AGPS: variants seen among roughly 807,000 people sequenced by gnomAD.
AGPS encodes the protein alkyldihydroxyacetonephosphate synthase, peroxisomal.
A neutral mutation model predicts 90.7 loss-of-function variants in AGPS; 26 were observed. The observed-to-expected ratio is 0.29, with a 90% CI of 0.21 to 0.40. AGPS has a LOEUF of 0.40. Among genes scored for constraint, AGPS ranks in the 10% least tolerant of loss-of-function variants. The pLI is 1.00. For synonymous variants in AGPS, 294 were observed against 285.3 expected (o/e 1.03, Z -0.31); for missense variants, 540 against 816.1 (o/e 0.66, Z 4.12).
intron 12 of AGPS, among the ~76,000 whole-genome samples, chr2:177,496,652 T>A (rs1038427251): frequency 6.6e-6 from 1 of 152,124 alleles, no homozygotes; most frequent in Non-Finnish European, 1.5e-5. Flanking sequence ...TGGTTAAGAC[T>A]TCTATTACTT....
intron 1 of AGPS, among the ~76,000 whole-genome samples, chr2:177,396,141 G>C (rs1428573875): frequency 1.3e-5 from 2 of 152,154 alleles, no homozygotes; most frequent in African/African-American, 4.8e-5. Context: ...AATGTGGATG[G>C]TATTTTGAGA....
chr2:177,489,444 C>T (rs2364852), intron 11 of AGPS, among the ~76,000 whole-genome samples: 131,177 of 152,072 alleles, frequency 0.86, 56,783 homozygotes, highest in East Asian at 0.95. Context: ...TAAGTTAGTG[C>T]AGAGAGTACT....
intron 10 of AGPS, among the ~76,000 whole-genome samples, chr2:177,474,239 A>G: frequency 6.6e-6 from 1 of 152,216 alleles, no homozygotes; most frequent in East Asian, 1.9e-4. Flanking sequence ...CAAAGGCAAC[A>G]CTATTGCTAC....
At position 177,460,165 on chromosome 2, in the gene AGPS, C is replaced by T. The variant is rs559564666; in HGVS notation, c.871-1728C>T. ...GAACATCACACAGTGGGGCCTGGGGCGCGGTGGGAGGCTAGGGGAGGGATA... is the reference window on the plus strand; with the variant it reads ...GAACATCACACAGTGGGGCCTGGGGTGCGGTGGGAGGCTAGGGGAGGGATA... On this transcript the variant is annotated intron_variant, in intron 8 of 19. Coordinates refer to ENST00000264167, the MANE Select transcript of AGPS (RefSeq NM_003659.4). Among the ~76,000 whole-genome samples, 347 of 152,086 alleles carry T rather than the reference C, an allele frequency of 2.3e-3. 2 individuals are homozygous for T. Among genetic ancestry groups the T allele is most frequent in the African/African-American group, 7.6e-3 (316 of 41,488 alleles).
At chr2:177,461,699 A>G (rs923229282) in intron 8 of AGPS, among the ~76,000 whole-genome samples, 194 bp from the exon 9 acceptor site, 1 of 151,862 alleles carries the variant, frequency 6.6e-6, no homozygotes, top group Non-Finnish European at 1.5e-5. Flanking sequence ...AACATTTTCC[A>G]CTAGGCAAAA....
chr2:177,443,610 C>T (rs1026330467), intron 7 of AGPS, among the ~76,000 whole-genome samples: 1 of 152,160 alleles, frequency 6.6e-6, no homozygotes, highest in Non-Finnish European at 1.5e-5. Flanking sequence ...TGTCACATAA[C>T]ATCAATAGAG....
At chr2:177,484,312 G>T (rs1268309439) in intron 11 of AGPS, among the ~76,000 whole-genome samples, 1 of 151,868 alleles carries the variant, frequency 6.6e-6, no homozygotes, top group African/African-American at 2.4e-5. Flanking sequence ...TGTCTTTGAT[G>T]AGCTTCACTA....
At chr2:177,435,773 C>T (rs956728821) in intron 3 of AGPS, among the ~76,000 whole-genome samples, 2 of 152,148 alleles carry the variant, frequency 1.3e-5, no homozygotes, top group African/African-American at 2.4e-5. Flanking sequence ...CTCAATCCCC[C>T]GTAGCAGATT....
At chr2:177,500,554 AT>A (rs200479997) in intron 14 of AGPS, among the ~76,000 whole-genome samples, 2,545 of 151,540 alleles carry the variant, frequency 0.017, 46 homozygotes, top group South Asian at 0.056. Flanking sequence ...ACTTTTATGT[AT>A]TTTTTTTCAT....
At chr2:177,397,971 G>T (rs1168229515) in intron 1 of AGPS, among the ~76,000 whole-genome samples, 1 of 152,200 alleles carries the variant, frequency 6.6e-6, no homozygotes, top group Non-Finnish European at 1.5e-5. Flanking sequence ...GGCAGAGGTT[G>T]CAGTGAGCTG....
At chr2:177,476,294 T>C (rs1204119638) in intron 10 of AGPS, among the ~76,000 whole-genome samples, 1 of 152,062 alleles carries the variant, frequency 6.6e-6, no homozygotes, top group Non-Finnish European at 1.5e-5. Flanking sequence ...AAAAAATATG[T>C]ACAGATATTT....
rs2079233731 is a variant in AGPS, at chr2:177,541,379, G to A, written c.*3184G>A. 6.6e-6 allele frequency: 1 copy of A among 152,126 alleles called. No homozygotes were observed. The highest frequency in any genetic ancestry group is 1.9e-4 in the East Asian group (1 of 5,192). 9.4% of individuals were successfully genotyped at this position (152,126 alleles called of 1,614,324 possible). On this transcript the variant is annotated 3_prime_UTR_variant, in exon 20 of 20. Transcript: ENST00000264167. The stretch of plus-strand genomic sequence containing the variant: ...AACTGTAGCTTATCAGAGAAGCTCT[G>A]TAGTCCTACACTGAAGTGTGTTCCC...
chr2:177,424,451 GATT>G (rs985585230), intron 2 of AGPS, among the ~76,000 whole-genome samples: 3 of 45,382 alleles, frequency 6.6e-5, no homozygotes, highest in African/African-American at 1.6e-4. Flanking sequence ...ATAATAGAAT[GATT>G]TTTTTTTTTG....
chr2:177,530,018 G>A (rs1288379507), intron 19 of AGPS, among the ~76,000 whole-genome samples: 1 of 152,108 alleles, frequency 6.6e-6, no homozygotes, highest in Admixed American at 6.5e-5. Flanking sequence ...AGTTTTGTTT[G>A]TTTGTTTGTT....
intron 17 of AGPS, among the ~76,000 whole-genome samples, chr2:177,520,839 ATATT>A (rs148855378): frequency 0.021 from 3,256 of 152,328 alleles, 72 homozygotes; most frequent in South Asian, 0.055. Flanking sequence ...GACTATATAT[ATATT>A]GTTTTCACAC....
At chr2:177,523,658 C>T in intron 18 of AGPS, 90 bp from the exon 19 acceptor site, 1 of 1,067,204 alleles carries the variant, frequency 9.4e-7, no homozygotes, top group Non-Finnish European at 1.5e-6. Context: ...ACCCAGGAAA[C>T]ATGTGCCTTC....
rs544101452 is a variant in AGPS at position 177,420,363 on chromosome 2, C to A, written c.350+5C>A. The A allele has an allele frequency of 1.3e-6, 2 of 1,591,974 alleles. No individual in the cohort carries two copies. The highest frequency in any genetic ancestry group is 1.7e-5 in the Admixed American group (1 of 59,888). ...AATTGAATTGACTGGGAAAAGGTAA[C>A]CCTGGTTTATTTCTTCTTTTGTTCC... On this transcript the variant is annotated splice_donor_5th_base_variant and intron_variant, in intron 2 of 19. Coordinates refer to ENST00000264167, the MANE Select transcript of AGPS (RefSeq NM_003659.4).
At chr2:177,478,715 T>C (rs979113602) in intron 10 of AGPS, among the ~76,000 whole-genome samples, 1 of 152,154 alleles carries the variant, frequency 6.6e-6, no homozygotes. Context: ...TCATTTATAA[T>C]CTTTAATGAT....
rs543295699 is a variant in AGPS at position 177,424,972 on chromosome 2, A to G, written c.350+4614A>G. On this transcript the variant is annotated intron_variant, in intron 2 of 19. Coordinates refer to ENST00000264167, the MANE Select transcript of AGPS (RefSeq NM_003659.4). Reference sequence around the variant, plus strand: ...TTTAAGTTCCTTGTAGACTCTGGATATTAGACCTTTGTCAGATGCTCCGAT... The same window carrying G: ...TTTAAGTTCCTTGTAGACTCTGGATGTTAGACCTTTGTCAGATGCTCCGAT... Among the ~76,000 whole-genome samples, 6 of 152,284 alleles carry G rather than the reference A, an allele frequency of 3.9e-5. No individual in the cohort carries two copies. The South Asian group carries it at 1.0e-3, about 26-fold the overall frequency.
Sources: allele counts gnomAD v4.1 joint callset (sites outside exome capture counted in the v4.1 genomes callset), GRCh38; gene constraint gnomAD v4.1.1; transcripts MANE v1.5; gene names NCBI Gene and HGNC (gene_info 2026-07-23, HGNC 2026-07-21).